LZTFL1: variants seen among roughly 807,000 people sequenced by gnomAD.
LZTFL1 encodes the protein leucine zipper transcription factor like 1.
A neutral mutation model predicts 45.9 loss-of-function variants in LZTFL1; 25 were observed. The observed-to-expected ratio is 0.54, with a 90% CI of 0.40 to 0.76. LZTFL1 has a LOEUF of 0.76. Ranked by LOEUF, LZTFL1 falls within the 30% of genes least tolerant of loss-of-function variation. The probability of loss-of-function intolerance (pLI) is 0.00; values close to 1 mark genes in which losing one functional copy is unlikely to be tolerated. For synonymous variants in LZTFL1, 93 were observed against 117.4 expected (o/e 0.79, Z 1.35); for missense variants, 277 against 331.1 (o/e 0.84, Z 1.27).
Position 45,830,897 on chromosome 3 carries a change from C to T in LZTFL1, c.600+16G>A, listed in dbSNP as rs535789405. ...TACTTAGAAAATGTGAGAAAGGTAG[C>T]TAAAACTTGTTTCACCTTTTGATTT... On this transcript the variant is annotated intron_variant, in intron 7 of 9. Coordinates refer to ENST00000296135, the MANE Select transcript of LZTFL1 (RefSeq NM_020347.4). 1 of 1,609,194 alleles carries T rather than the reference C, an allele frequency of 6.2e-7. No individual in the cohort carries two copies. The highest frequency in any genetic ancestry group is 1.1e-5 in the South Asian group (1 of 90,790).
At position 45,903,534 on chromosome 3, in the gene LZTFL1, G is replaced by A. The variant is rs72890688; in HGVS notation, c.-215+9586C>T. ...TAATTTCCCCAGTGCCTTGTGGATC[G>A]CTGTGGTTTCCATTCCAACGCCATC... On this transcript the variant is annotated intron_variant, in intron 2 of 4. Transcript: ENST00000472635. Among the ~76,000 whole-genome samples the A allele has an allele frequency of 5.8e-3, 891 of 152,308 alleles. 8 individuals are homozygous for A. Among genetic ancestry groups the A allele is most frequent in the African/African-American group, 0.02 (813 of 41,562 alleles).
rs1053709580 is a variant in LZTFL1, at chr3:45,915,430, G to A, written c.-282C>T. 7.2e-5 allele frequency: 32 copies of A among 444,506 alleles called. No homozygotes were observed. The East Asian group carries it at 1.8e-3, about 25-fold the overall frequency. 27.5% of individuals were successfully genotyped at this position (444,506 alleles called of 1,614,324 possible). On this transcript the variant is annotated 5_prime_UTR_variant, in exon 1 of 5. Coordinates refer to the LZTFL1 transcript ENST00000472635. ...CACCTGCCCCACTGACCTGGAAGAC[G>A]GACGTTTTGGCCTCCCAGAAATGGC...
chr3:45,868,658 G>C lies in LZTFL1; in HGVS notation c.-214-9642C>G, dbSNP rs552893906. On this transcript the variant is annotated intron_variant, in intron 2 of 4. Coordinates refer to the LZTFL1 transcript ENST00000472635. ...TGCTCAAATTCTCAGTCAGTGGTAG[G>C]GGGGGTAAACCCAACTCTCTCTGAT... Among the ~76,000 whole-genome samples, 373 of 152,278 alleles carry C rather than the reference G, an allele frequency of 2.4e-3. 1 individual carries two copies. Among genetic ancestry groups the C allele is most frequent in the African/African-American group, 6.5e-3 (270 of 41,558 alleles).
chr3:45,850,435 C>T (rs939898551), intron 4 of LZTFL1, among the ~76,000 whole-genome samples: 4 of 152,154 alleles, frequency 2.6e-5, no homozygotes, highest in Non-Finnish European at 4.4e-5. Context: ...ACCTCCTCCC[C>T]GCAGCACCAC....
At position 45,901,116 on chromosome 3, in the gene LZTFL1, G is replaced by C. The variant is rs56064700; in HGVS notation, c.-215+12004C>G. 2.5e-6 allele frequency: 4 copies of C among 1,613,948 alleles called. No individual in the cohort carries two copies. The highest frequency in any genetic ancestry group is 3.4e-6 in the Non-Finnish European group (4 of 1,180,010). On this transcript the variant is annotated intron_variant, in intron 2 of 4. Transcript: ENST00000472635. The surrounding 1 kb of genome is among the most constrained non-coding windows in gnomAD (Gnocchi z 4.3). The stretch of plus-strand genomic sequence containing the variant: ...TCCCTTCTGGGCCATTGCTGCTGCT[G>C]ACCAGTGGAAGTTCCAGACCTTCAT...
At chr3:45,878,694 A>C (rs936510995) in intron 2 of LZTFL1, among the ~76,000 whole-genome samples, 1 of 152,272 alleles carries the variant, frequency 6.6e-6, no homozygotes, top group African/African-American at 2.4e-5. Context: ...ACATCTGATA[A>C]AGGAATGTTA....
At chr3:45,881,672 G>A (rs984532501) in intron 2 of LZTFL1, among the ~76,000 whole-genome samples, 4 of 152,102 alleles carry the variant, frequency 2.6e-5, no homozygotes, top group Non-Finnish European at 4.4e-5. Flanking sequence ...TACTTTTAAG[G>A]GACCTTGCCC....
At chr3:45,903,180 G>C (rs1220608641) in intron 2 of LZTFL1, 1 of 166,946 alleles carries the variant, frequency 6.0e-6, no homozygotes, top group Non-Finnish European at 1.5e-5. Flanking sequence ...TACATTAAGA[G>C]TGTGAAGGCT....
rs958213062 is a variant in LZTFL1 at position 45,824,847 on chromosome 3, G to A, written c.*1467C>T. On this transcript the variant is annotated 3_prime_UTR_variant, in exon 10 of 10. Coordinates refer to ENST00000296135, the MANE Select transcript of LZTFL1 (RefSeq NM_020347.4). ...AGCCCTCAACAAAAGCTCCAAAAGGGCACAGAAACTGGTAAGTGACCTAAA... is the reference window on the plus strand; with the variant it reads ...AGCCCTCAACAAAAGCTCCAAAAGGACACAGAAACTGGTAAGTGACCTAAA... The A allele has an allele frequency of 2.5e-6, 1 of 398,268 alleles. No individual in the cohort carries two copies. Among genetic ancestry groups the A allele is most frequent in the African/African-American group, 2.1e-5 (1 of 48,598 alleles). The allele number at this position is 398,268 out of a possible 1,614,324, so 24.7% of individuals were successfully genotyped here. A position where few individuals can be genotyped will look rare whatever the true frequency, so the allele number is the denominator to read the frequency against.
At position 45,901,589 on chromosome 3, in the gene LZTFL1, G is replaced by C. The variant is rs1702559920; in HGVS notation, c.-215+11531C>G. ...TCCTGACCGTCTTTGTCTTGTCTCA[G>C]TTTCCCTACAACTGCATTTTGTTGG... On this transcript the variant is annotated intron_variant, in intron 2 of 4. Coordinates refer to the LZTFL1 transcript ENST00000472635. The surrounding 1 kb of genome is among the most constrained non-coding windows in gnomAD (Gnocchi z 4.3). 3 of 1,614,032 alleles carry C rather than the reference G, an allele frequency of 1.9e-6. No individual in the cohort carries two copies. Among genetic ancestry groups the C allele is most frequent in the South Asian group, 2.2e-5 (2 of 91,086 alleles).
intron 3 of LZTFL1, among the ~76,000 whole-genome samples, chr3:45,855,880 A>T (rs1344332536): frequency 6.6e-6 from 1 of 152,198 alleles, no homozygotes; most frequent in East Asian, 1.9e-4. Context: ...GCTACAAACC[A>T]CTGCTCAAGG....
At chr3:45,878,223 AACATTAT>A (rs1575284344) in intron 2 of LZTFL1, among the ~76,000 whole-genome samples, 1 of 152,204 alleles carries the variant, frequency 6.6e-6, no homozygotes, top group East Asian at 1.9e-4. Context: ...GAATATGCAA[AACATTAT>A]TATTAACTAT....
chr3:45,865,140 A>T (rs1057481308), intron 2 of LZTFL1, among the ~76,000 whole-genome samples: 11 of 152,238 alleles, frequency 7.2e-5, no homozygotes, highest in African/African-American at 1.4e-4. Context: ...ACCCAGATCC[A>T]CCGAAAGAAA....
chr3:45,865,156 T>C (rs1701557215), intron 2 of LZTFL1, among the ~76,000 whole-genome samples: 1 of 152,176 alleles, frequency 6.6e-6, no homozygotes, highest in Non-Finnish European at 1.5e-5. Flanking sequence ...AGAAATGCAA[T>C]CCTTCCCCAC....
intron 2 of LZTFL1, among the ~76,000 whole-genome samples, chr3:45,865,535 A>G (rs961914953): frequency 4.6e-5 from 7 of 152,274 alleles, no homozygotes; most frequent in African/African-American, 1.4e-4. Flanking sequence ...TTAATGATAA[A>G]TATGTATGAC....
intron 2 of LZTFL1, among the ~76,000 whole-genome samples, chr3:45,867,845 AAAC>A (rs1701602375): frequency 6.6e-6 from 1 of 152,130 alleles, no homozygotes; most frequent in South Asian, 2.1e-4. Flanking sequence ...CCCTGTCTCA[AAAC>A]AACAACGACA....
intron 2 of LZTFL1, among the ~76,000 whole-genome samples, chr3:45,877,393 C>A (rs1701765139): frequency 6.6e-6 from 1 of 152,006 alleles, no homozygotes; most frequent in Non-Finnish European, 1.5e-5. Flanking sequence ...GCCACCACGC[C>A]TGGCTAATTT....
intron 2 of LZTFL1, among the ~76,000 whole-genome samples, chr3:45,868,527 A>G (rs1701614847): frequency 1.3e-5 from 2 of 152,214 alleles, no homozygotes; most frequent in Admixed American, 6.5e-5. Context: ...AGAGAAATGA[A>G]TATGTAAATA....
intron 2 of LZTFL1, among the ~76,000 whole-genome samples, chr3:45,881,917 A>G (rs1372402166): frequency 3.3e-5 from 5 of 152,244 alleles, no homozygotes; most frequent in Admixed American, 3.3e-4. Context: ...TGTACAATCC[A>G]CTAGGGTGGC....
Sources: gnomAD v4.1 joint callset for allele counts (sites outside exome capture counted in the v4.1 genomes callset) on GRCh38, gnomAD v4.1.1 for gene constraint, Gnocchi (gnomAD v3.1) non-coding constraint, MANE v1.5 for transcripts, NCBI Gene and HGNC (gene_info 2026-07-23, HGNC 2026-07-21) for gene names.